Variants in FMO4 observed in about 807,000 individuals in gnomAD.
The protein encoded by FMO4 is flavin containing dimethylaniline monoxygenase 4.
In FMO4, 38 loss-of-function variants were observed where a neutral mutation model predicts 43.3. That is an observed-to-expected ratio of 0.88 (90% CI 0.68 to 1.15). FMO4 has a LOEUF of 1.15. Ranked by LOEUF, FMO4 falls within the 50% of genes most tolerant of loss-of-function variation. FMO4 has a pLI of 0.00. For synonymous variants in FMO4, 224 were observed against 232.2 expected, an observed-to-expected ratio of 0.96 and a Z score of 0.32; for missense variants, 631 against 663.3, an observed-to-expected ratio of 0.95 and a Z score of 0.54.
Position 171,316,331 on chromosome 1 carries a change from T to A in FMO4, c.-9+4T>A, listed in dbSNP as rs146605164. The A allele has an allele frequency of 7.2e-5, 11 of 152,282 alleles. No homozygotes were observed. In the East Asian group the frequency reaches 2.1e-3, roughly 29 times the overall value. The allele number at this position is 152,282 out of a possible 1,614,324, so 9.4% of individuals were successfully genotyped here. On this transcript the variant is annotated splice_donor_region_variant and intron_variant, in intron 2 of 9. Coordinates refer to ENST00000367749, the MANE Select transcript of FMO4 (RefSeq NM_002022.3). ...CTCAACTCAAAGGAAAACACAGGTATGTCTGCCTACTCCTTTCCAAACTTG... is the reference window on the plus strand; with the variant it reads ...CTCAACTCAAAGGAAAACACAGGTAAGTCTGCCTACTCCTTTCCAAACTTG...
intron 4 of FMO4, among the ~76,000 whole-genome samples, chr1:171,323,481 T>C (rs758166092): frequency 6.6e-6 from 1 of 152,094 alleles, no homozygotes. Flanking sequence ...ATGGCCAACA[T>C]GGTGAAATTC....
chr1:171,335,183 A>G lies in FMO4; in HGVS notation c.1180+420A>G, dbSNP rs1289166514. ...TAGAGACCCATAAAAAATATTTTAG[A>G]CACTGGAAACTACTTTCTGTCAATT... is the stretch of plus-strand genomic sequence containing the variant. On this transcript the variant is annotated intron_variant, in intron 8 of 9. Coordinates refer to ENST00000367749, the MANE Select transcript of FMO4 (RefSeq NM_002022.3). Among the ~76,000 whole-genome samples the G allele has an allele frequency of 8.5e-5, 13 of 152,340 alleles. No individual in the cohort carries two copies. In the South Asian group the frequency reaches 2.7e-3, roughly 32 times the overall value.
chr1:171,324,352 G>C (rs750437367), intron 5 of FMO4, 52 bp downstream of exon 5: 2 of 1,428,768 alleles, frequency 1.4e-6, no homozygotes, highest in Non-Finnish European at 1.9e-6. Context: ...TCTTCTAGAA[G>C]TAAACTTATT....
rs1160845822 is a variant in FMO4 at position 171,314,347 on chromosome 1, A to AG, written c.-217_-216insG. 2.6e-5 allele frequency: 4 copies of AG among 152,022 alleles called. No homozygotes were observed. The highest frequency in any genetic ancestry group is 9.7e-5 in the African/African-American group (4 of 41,360). The allele number at this position is 152,022 out of a possible 1,614,324, so 9.4% of individuals were successfully genotyped here. A position where few individuals can be genotyped will look rare whatever the true frequency, so the allele number is the denominator to read the frequency against. The stretch of plus-strand genomic sequence containing the variant: ...GGGTTTTGAGCTTTTTTAAAAAAAA[A>AG]AGACAAACACTTTCCTTGACTTTGA... On this transcript the variant is annotated 5_prime_UTR_variant, in exon 1 of 10. Transcript: ENST00000367749.
chr1:171,321,637 A>G (rs1662429828), intron 3 of FMO4, among the ~76,000 whole-genome samples: 1 of 152,126 alleles, frequency 6.6e-6, no homozygotes, highest in African/African-American at 2.4e-5. Context: ...GATTGAATCC[A>G]TGGATCTAGA....
chr1:171,322,858 A>G, intron 3 of FMO4, 146 bp from the exon 4 acceptor site: 1 of 625,064 alleles, frequency 1.6e-6, no homozygotes, highest in Non-Finnish European at 2.8e-6. Flanking sequence ...ATCTAAATCA[A>G]TCAATCAATA....
In FMO4 at chr1:171,341,711, G is replaced by C. The variant is rs773207586; in HGVS notation, c.1549G>C (p.Ala517Pro). Reference protein sequence around the residue: ...KPASMSHYLKAWGAPVLLASL... With the variant: ...KPASMSHYLKPWGAPVLLASL... ...TGCCTCCATGTCACATTATTTAAAA[G>C]CCTGGGGGGCACCTGTCCTACTTGC... The change falls in exon 10 of 10, where the codon GCC (alanine) becomes CCC (proline). Residue 517 changes from alanine to proline, a missense_variant. Coordinates refer to ENST00000367749, the MANE Select transcript of FMO4 (RefSeq NM_002022.3). 6.2e-7 allele frequency: 1 copy of C among 1,613,742 alleles called. No homozygotes were observed. Among genetic ancestry groups the C allele is most frequent in the Non-Finnish European group, 8.5e-7 (1 of 1,179,964 alleles).
chr1:171,340,973 C>A (rs942007022), intron 9 of FMO4, among the ~76,000 whole-genome samples: 4 of 152,016 alleles, frequency 2.6e-5, no homozygotes, highest in East Asian at 1.9e-4. Flanking sequence ...ACATAAAAAG[C>A]AGAACTTTAA....
At chr1:171,336,560 G>A (rs954171114) in intron 8 of FMO4, among the ~76,000 whole-genome samples, 9 of 152,074 alleles carry the variant, frequency 5.9e-5, no homozygotes, top group African/African-American at 1.7e-4. Context: ...CCACACATGA[G>A]GCTCCTTGTG....
rs1457318096 is a variant in FMO4, at chr1:171,338,022, C to T, written c.1250+597C>T. 2.0e-5 allele frequency among the ~76,000 whole-genome samples: 3 copies of T among 152,038 alleles called. No individual in the cohort carries two copies. In the South Asian group the frequency reaches 6.2e-4, roughly 32 times the overall value. ...ATATGTCTAAAAATGAACTCTTGAC[C>T]CCCTCCGCCCCCCATCTGCCCTGTA... On this transcript the variant is annotated intron_variant, in intron 9 of 9. Coordinates refer to ENST00000367749, the MANE Select transcript of FMO4 (RefSeq NM_002022.3).
intron 9 of FMO4, among the ~76,000 whole-genome samples, chr1:171,338,460 A>G (rs1050441434): frequency 1.3e-5 from 2 of 152,036 alleles, no homozygotes; most frequent in African/African-American, 4.8e-5. Flanking sequence ...ACACCCAAAT[A>G]TTGATATGCC....
chr1:171,335,928 T>C lies in FMO4; in HGVS notation c.1180+1165T>C, dbSNP rs993946984. On this transcript the variant is annotated intron_variant, in intron 8 of 9. Coordinates refer to ENST00000367749, the MANE Select transcript of FMO4 (RefSeq NM_002022.3). ...AATTAACTACTGGTTTTAAAAAGTA[T>C]TTTATGGTGAGCTCCAAAATGGTTA... 2.6e-5 allele frequency among the ~76,000 whole-genome samples: 4 copies of C among 152,194 alleles called. 1 individual carries two copies. Among genetic ancestry groups the C allele is most frequent in the African/African-American group, 7.2e-5 (3 of 41,446 alleles).
Position 171,341,556 on chromosome 1 carries a change from C to A in FMO4, c.1394C>A (p.Pro465Gln). 1 of 1,614,016 alleles carries A rather than the reference C, an allele frequency of 6.2e-7. No homozygotes were observed. The highest frequency in any genetic ancestry group is 1.7e-4 in the Middle Eastern group (1 of 6,060). ...PRLAWEVFFG[P>Q]CTPYQYRLMG... ...CTAGCTTGGGAAGTTTTCTTTGGAC[C>A]ATGTACTCCTTATCAGTACCGCCTC... The change falls in exon 10 of 10, where the codon CCA becomes CAA. Residue 465 changes from proline to glutamine, a missense_variant. Physicochemically the swap from Pro to Gln is moderately conservative, Grantham distance 76. Transcript: ENST00000367749.
At chr1:171,329,525 G>C (rs1021562118) in intron 5 of FMO4, among the ~76,000 whole-genome samples, 3 of 152,134 alleles carry the variant, frequency 2.0e-5, no homozygotes, top group African/African-American at 7.2e-5. Context: ...ATCTTGTATT[G>C]TCAACAGTGG....
chr1:171,331,615 C>A, intron 5 of FMO4, 25 bp from the exon 6 acceptor site: 1 of 1,611,696 alleles, frequency 6.2e-7, no homozygotes, highest in East Asian at 2.2e-5. Flanking sequence ...ACATTTCAGA[C>A]TTTCTGATCC....
rs768646263 is a variant in FMO4 at position 171,334,563 on chromosome 1, C to G, written c.980C>G (p.Thr327Ser). Residue 327 changes from threonine (T) to serine (S), a missense_variant, in exon 8 of 10, where the codon ACT becomes AGT. Physicochemically the swap from Thr to Ser is moderately conservative, Grantham distance 58. Coordinates refer to ENST00000367749, the MANE Select transcript of FMO4 (RefSeq NM_002022.3). ...VEENIDVVIF[T>S]TGYTFSFPFF... ...GAAAACATTGATGTTGTGATCTTCACTACAGGATATACATTTTCTTTTCCA... is the reference window on the plus strand; with the variant it reads ...GAAAACATTGATGTTGTGATCTTCAGTACAGGATATACATTTTCTTTTCCA... The G allele has an allele frequency of 6.8e-6, 11 of 1,613,584 alleles. No homozygotes were observed. In the Admixed American group the frequency reaches 1.8e-4, roughly 27 times the overall value.
intron 3 of FMO4, among the ~76,000 whole-genome samples, chr1:171,321,818 AG>A (rs1283755097): frequency 5.9e-5 from 9 of 152,222 alleles, no homozygotes; most frequent in Non-Finnish European, 1.5e-5. Flanking sequence ...AAACAGAAAC[AG>A]TAAATAGGGA....
chr1:171,323,235 G>T (rs913677101), intron 4 of FMO4, 43 bp downstream of exon 4: 12 of 1,268,866 alleles, frequency 9.5e-6, no homozygotes, highest in Non-Finnish European at 1.3e-5. Flanking sequence ...ATGGGGGCTG[G>T]CCTATTCAGC....
intron 2 of FMO4, among the ~76,000 whole-genome samples, chr1:171,317,903 G>A (rs918212700): frequency 1.3e-5 from 2 of 152,264 alleles, no homozygotes; most frequent in East Asian, 3.9e-4. Flanking sequence ...AGGATTCAGA[G>A]GCAAAGTGAT....
Sources: allele counts gnomAD v4.1 joint callset (sites outside exome capture counted in the v4.1 genomes callset), GRCh38; gene constraint gnomAD v4.1.1; transcripts MANE v1.5; gene names NCBI Gene and HGNC (gene_info 2026-07-23, HGNC 2026-07-21).